The following FGFR1 variants were observed in gnomAD, a reference collection of about 807,000 sequenced individuals.
The protein encoded by FGFR1 is fibroblast growth factor receptor 1.
In FGFR1, 18 loss-of-function variants were observed where a neutral mutation model predicts 93.7. The observed-to-expected ratio is 0.19, with a 90% CI of 0.13 to 0.28. The LOEUF (loss-of-function observed/expected upper bound fraction) is 0.28, where lower values mean the gene tolerates loss of function less well. FGFR1 is among the 10% of genes least tolerant of loss of function. The pLI, the probability that FGFR1 is intolerant of heterozygous loss-of-function variation, is 1.00. For missense variants in FGFR1, 731 were observed against 1,080.4 expected, an observed-to-expected ratio of 0.68 and a Z score of 4.53; for synonymous variants, 448 against 429.3, an observed-to-expected ratio of 1.04 and a Z score of -0.54.
intron 2 of FGFR1, among the ~76,000 whole-genome samples, chr8:38,432,382 T>C (rs1823464646): frequency 6.6e-6 from 1 of 151,494 alleles, no homozygotes; most frequent in South Asian, 2.1e-4. Context: ...CTCTGTCCTA[T>C]CCCTTTACCG....
intron 2 of FGFR1, among the ~76,000 whole-genome samples, chr8:38,456,305 G>A (rs533721263): frequency 3.9e-5 from 6 of 152,120 alleles, no homozygotes; most frequent in Non-Finnish European, 5.9e-5. Context: ...GAAAGCCACC[G>A]GTATTCTGTA....
intron 11 of FGFR1, among the ~76,000 whole-genome samples, 159 bp downstream of exon 11, chr8:38,417,711 G>T (rs1817195724): frequency 1.3e-5 from 2 of 152,152 alleles, no homozygotes; most frequent in African/African-American, 4.8e-5. Flanking sequence ...ACAATCTCAA[G>T]GTGCAGAACA....
At chr8:38,437,824 A>G (rs146063689) in intron 2 of FGFR1, among the ~76,000 whole-genome samples, 2 of 152,342 alleles carry the variant, frequency 1.3e-5, no homozygotes, top group East Asian at 3.9e-4. Context: ...TGCCACATGG[A>G]CAAACACACC....
In FGFR1 at chr8:38,415,983, G is replaced by A. The variant is rs1447726503; in HGVS notation, c.1741C>T (p.Leu581=). The change falls in exon 13 of 18, where the codon CTG becomes TTG. Residue 581 remains leucine, a synonymous_variant. Coordinates refer to ENST00000447712, the MANE Select transcript of FGFR1 (RefSeq NM_023110.3). ...TGGCTGGGGTTGTAGCAGTATTCCA[G>A]CCCTGGGGGCCTCCGGGCCTGCAGG... ...EYLQARRPPG[L]EYCYNPSHNP... 1.2e-6 allele frequency: 2 copies of A among 1,613,946 alleles called. No individual in the cohort carries two copies. Among genetic ancestry groups the A allele is most frequent in the South Asian group, 1.1e-5 (1 of 91,078 alleles).
intron 7 of FGFR1, chr8:38,423,312 GTTTTTTTT>G (rs58594253): frequency 5.0e-5 from 18 of 361,220 alleles, no homozygotes; most frequent in African/African-American, 2.9e-4. Flanking sequence ...TTCCCTTTTA[GTTTTTTTT>G]TTTTTTTTTT....
intron 2 of FGFR1, among the ~76,000 whole-genome samples, chr8:38,453,296 G>A (rs772975022): frequency 1.3e-5 from 2 of 152,186 alleles, no homozygotes; most frequent in African/African-American, 4.8e-5. Context: ...GCCATGTGCC[G>A]TCTCCCCTGG....
intron 9 of FGFR1, 152 bp downstream of exon 9, chr8:38,419,381 T>C: frequency 2.7e-6 from 2 of 748,572 alleles, no homozygotes; most frequent in South Asian, 1.5e-5. Flanking sequence ...AAACAGACTC[T>C]AGAGCACTTA....
At position 38,456,175 on chromosome 8, in the gene FGFR1, C is replaced by T. The variant is rs998482537; in HGVS notation, c.91+1181G>A. ...TTTTGCACACAGCCACCCCATCACG[C>T]GCACCTCCAACCTTTCACCCACTGT... is the stretch of plus-strand genomic sequence containing the variant. On this transcript the variant is annotated intron_variant, in intron 2 of 17. Coordinates refer to ENST00000447712, the MANE Select transcript of FGFR1 (RefSeq NM_023110.3). Among the ~76,000 whole-genome samples, 7 of 152,298 alleles carry T rather than the reference C, an allele frequency of 4.6e-5. No individual in the cohort carries two copies. The South Asian group carries it at 6.2e-4, about 14-fold the overall frequency.
At chr8:38,420,834 C>G (rs1285189562) in intron 8 of FGFR1, among the ~76,000 whole-genome samples, 1 of 152,126 alleles carries the variant, frequency 6.6e-6, no homozygotes, top group Non-Finnish European at 1.5e-5. Flanking sequence ...CAAGGCCTGA[C>G]AAGGAGACAG....
chr8:38,455,604 T>C (rs1213589850), intron 2 of FGFR1, among the ~76,000 whole-genome samples: 1 of 152,240 alleles, frequency 6.6e-6, no homozygotes, highest in Non-Finnish European at 1.5e-5. Context: ...AGTATAGTTT[T>C]CTTAGCAGGG....
chr8:38,451,195 T>C (rs2151264191), intron 2 of FGFR1, among the ~76,000 whole-genome samples: 1 of 152,174 alleles, frequency 6.6e-6, no homozygotes, highest in Middle Eastern at 3.4e-3. Flanking sequence ...CCATCCAGGT[T>C]GAATGAGAAG....
intron 2 of FGFR1, among the ~76,000 whole-genome samples, chr8:38,451,180 T>C (rs1012434854): frequency 1.3e-5 from 2 of 152,090 alleles, no homozygotes; most frequent in Non-Finnish European, 2.9e-5. Flanking sequence ...AAGAAACTCC[T>C]CTTACCATCC....
intron 9 of FGFR1, among the ~76,000 whole-genome samples, chr8:38,419,058 C>A (rs1817779391): frequency 6.6e-6 from 1 of 152,212 alleles, no homozygotes; most frequent in South Asian, 2.1e-4. Context: ...GTGAGACGTG[C>A]CTTTTGCCTT....
chr8:38,466,335 A>T (rs1586823191), intron 1 of FGFR1: 1 of 232,336 alleles, frequency 4.3e-6, no homozygotes, highest in Non-Finnish European at 8.5e-6. Context: ...CCGCAGCTCC[A>T]GCTATAACAC....
Position 38,413,485 on chromosome 8 carries a change from G to T in FGFR1, c.*143C>A. The T allele has an allele frequency of 1.2e-6, 1 of 835,098 alleles. No homozygotes were observed. Among genetic ancestry groups the T allele is most frequent in the Non-Finnish European group, 1.9e-6 (1 of 534,356 alleles). The allele number at this position is 835,098 out of a possible 1,614,324, so 51.7% of individuals were successfully genotyped here. A position where few individuals can be genotyped will look rare whatever the true frequency, so the allele number is the denominator to read the frequency against. On this transcript the variant is annotated 3_prime_UTR_variant, in exon 18 of 18. Coordinates refer to ENST00000447712, the MANE Select transcript of FGFR1 (RefSeq NM_023110.3). The surrounding 1 kb of genome is among the most constrained non-coding windows in gnomAD (Gnocchi z 4.2). ...AGGTGAGCTGAGTGGGGTGAAGGCA[G>T]GCCACACAGGAAGGCCCCTGGTAGG... is the stretch of plus-strand genomic sequence containing the variant.
At chr8:38,414,757 G>A (rs768446923) in intron 14 of FGFR1, 22 bp downstream of exon 14, 2 of 1,614,016 alleles carry the variant, frequency 1.2e-6, no homozygotes, top group Non-Finnish European at 1.7e-6. Context: ...CACCAGCACA[G>A]GGCGGCCTTG....
chr8:38,422,249 C>T (rs769520482), intron 7 of FGFR1: 19 of 476,180 alleles, frequency 4.0e-5, no homozygotes, highest in African/African-American at 1.9e-4. Flanking sequence ...GAAATGGGGC[C>T]GGCGGGCAGG....
intron 2 of FGFR1, among the ~76,000 whole-genome samples, chr8:38,451,477 T>C (rs1831055897): frequency 6.6e-6 from 1 of 152,134 alleles, no homozygotes; most frequent in African/African-American, 2.4e-5. Flanking sequence ...AAGGGCCCTA[T>C]GATCTGAGGC....
At chr8:38,463,292 T>G (rs1166482219) in intron 1 of FGFR1, 1 of 179,792 alleles carries the variant, frequency 5.6e-6, no homozygotes, top group Non-Finnish European at 1.2e-5. Flanking sequence ...TTCCTTGTTC[T>G]GCAACAGGCC....
Sources: gnomAD v4.1 joint callset for allele counts (sites outside exome capture counted in the v4.1 genomes callset) on GRCh38, gnomAD v4.1.1 for gene constraint, Gnocchi (gnomAD v3.1) non-coding constraint, MANE v1.5 for transcripts, NCBI Gene and HGNC (gene_info 2026-07-23, HGNC 2026-07-21) for gene names.